Variants in PDCD4 observed in about 807,000 individuals in gnomAD.
The protein encoded by PDCD4 is programmed cell death 4.
A neutral mutation model predicts 54.0 loss-of-function variants in PDCD4; 56 were observed. That is an observed-to-expected ratio of 1.04 (90% CI 0.84 to 1.30). The LOEUF is 1.30. Among genes scored for constraint, PDCD4 ranks in the 50% most tolerant of loss-of-function variants. PDCD4 has a pLI of 0.00. For synonymous variants in PDCD4, 186 were observed against 194.8 expected (o/e 0.95, Z 0.37); for missense variants, 584 against 559.8 (o/e 1.04, Z -0.44).
rs1162455760 is a variant in PDCD4 at position 110,895,220 on chromosome 10, T to C, written c.1209+698T>C. On this transcript the variant is annotated intron_variant, in intron 10 of 11. Coordinates refer to ENST00000280154, the MANE Select transcript of PDCD4 (RefSeq NM_014456.5). The stretch of plus-strand genomic sequence containing the variant: ...ACCTGATAGGTAATTTTTCAACTCT[T>C]GTCCTCTTTCCTACCTCCCCACTTT... Among the ~76,000 whole-genome samples, 3 of 152,062 alleles carry C rather than the reference T, an allele frequency of 2.0e-5. No individual in the cohort carries two copies. In the South Asian group the frequency reaches 6.2e-4, roughly 31 times the overall value.
Position 110,892,170 on chromosome 10 carries a change from A to G in PDCD4, c.990+1500A>G, listed in dbSNP as rs370134365. On this transcript the variant is annotated intron_variant, in intron 8 of 11. Coordinates refer to ENST00000280154, the MANE Select transcript of PDCD4 (RefSeq NM_014456.5). Reference sequence around the variant, plus strand: ...AACAAGACAAATGCAAGTCTTGTACACTGAAAACTGCAAAACAGGTTGAAA... The same window carrying G: ...AACAAGACAAATGCAAGTCTTGTACGCTGAAAACTGCAAAACAGGTTGAAA... 2.9e-4 allele frequency among the ~76,000 whole-genome samples: 44 copies of G among 152,354 alleles called. No individual in the cohort carries two copies. The South Asian group carries it at 8.9e-3, about 31-fold the overall frequency.
At chr10:110,874,524 AT>A (rs796937478) in intron 1 of PDCD4, among the ~76,000 whole-genome samples, 226 of 151,510 alleles carry the variant, frequency 1.5e-3, no homozygotes, top group Non-Finnish European at 2.0e-3. Context: ...TATTTTTAAG[AT>A]TTTTTTTTCA....
At position 110,899,798 on chromosome 10, in the gene PDCD4, A is replaced by C. The variant is rs1015272907; in HGVS notation, c.*1710A>C. Reference sequence around the variant, plus strand: ...CAACAAGAGTGAAACTCTTGTCTCAAAAAAAAAAAAAAATGAGGTTTAAGA... The same window carrying C: ...CAACAAGAGTGAAACTCTTGTCTCACAAAAAAAAAAAAATGAGGTTTAAGA... On this transcript the variant is annotated 3_prime_UTR_variant, in exon 12 of 12. Coordinates refer to ENST00000280154, the MANE Select transcript of PDCD4 (RefSeq NM_014456.5). 2 of 43,862 alleles carry C rather than the reference A, an allele frequency of 4.6e-5. No individual in the cohort carries two copies. Among genetic ancestry groups the C allele is most frequent in the East Asian group, 3.8e-4 (1 of 2,606 alleles). The allele number at this position is 43,862 out of a possible 1,614,324, so 2.7% of individuals were successfully genotyped here. A position where few individuals can be genotyped will look rare whatever the true frequency, so the allele number is the denominator to read the frequency against.
intron 5 of PDCD4, among the ~76,000 whole-genome samples, chr10:110,887,295 G>C (rs1280951082): frequency 3.3e-5 from 5 of 152,128 alleles, no homozygotes; most frequent in Non-Finnish European, 7.4e-5. Context: ...CCTACATGTA[G>C]GCTCTGCCAT....
Position 110,881,423 on chromosome 10 carries a change from C to A in PDCD4, c.234C>A (p.Ser78Arg). 6.2e-7 allele frequency: 1 copy of A among 1,614,158 alleles called. No homozygotes were observed. The highest frequency in any genetic ancestry group is 8.5e-7 in the Non-Finnish European group (1 of 1,180,032). The stretch of plus-strand genomic sequence containing the variant: ...ACTCTGGCAGAGGCGATTCGGTCAG[C>A]GACAGTGGGAGTGACGCCCTTAGAA... ...SRDSGRGDSV[S>R]DSGSDALRSG... The change falls in exon 3 of 12, where the codon AGC becomes AGA. Residue 78 changes from serine to arginine, a missense_variant. By Grantham distance (110) the Ser-to-Arg change is moderately radical. Coordinates refer to ENST00000280154, the MANE Select transcript of PDCD4 (RefSeq NM_014456.5).
rs550083391 is a variant in PDCD4 at position 110,897,566 on chromosome 10, C to G, written c.1350-462C>G. On this transcript the variant is annotated intron_variant, in intron 11 of 11. Coordinates refer to ENST00000280154, the MANE Select transcript of PDCD4 (RefSeq NM_014456.5). ...TGTAATTCTGATTTTTTTCCACATTCAAGTTATGGCTTTTCTACAGTTGAT... is the reference window on the plus strand; with the variant it reads ...TGTAATTCTGATTTTTTTCCACATTGAAGTTATGGCTTTTCTACAGTTGAT... 9.2e-5 allele frequency among the ~76,000 whole-genome samples: 14 copies of G among 152,268 alleles called. No individual in the cohort carries two copies. The South Asian group carries it at 2.9e-3, about 32-fold the overall frequency.
chr10:110,875,596 C>G (rs963438670), intron 1 of PDCD4, among the ~76,000 whole-genome samples: 12 of 152,006 alleles, frequency 7.9e-5, no homozygotes, highest in African/African-American at 2.9e-4. Context: ...ATTTATATTC[C>G]TATGTATGTA....
At chr10:110,886,116 G>A (rs1223069349) in intron 5 of PDCD4, among the ~76,000 whole-genome samples, 1 of 152,134 alleles carries the variant, frequency 6.6e-6, no homozygotes, top group Non-Finnish European at 1.5e-5. Context: ...ATTTGTAATA[G>A]GTGATTCTTG....
chr10:110,884,809 A>T (rs975792407), intron 4 of PDCD4: 1 of 151,952 alleles, frequency 6.6e-6, no homozygotes, highest in African/African-American at 2.4e-5. Flanking sequence ...ATTATGATTT[A>T]TTATTATTAT....
intron 2 of PDCD4, chr10:110,880,383 A>G (rs1307568722): frequency 6.6e-6 from 1 of 152,246 alleles, no homozygotes; most frequent in East Asian, 1.9e-4. Flanking sequence ...AAGGATTTTG[A>G]TAACTGAAAA....
intron 6 of PDCD4, among the ~76,000 whole-genome samples, 158 bp downstream of exon 6, chr10:110,888,044 C>G (rs1002954686): frequency 6.6e-6 from 1 of 151,828 alleles, no homozygotes; most frequent in African/African-American, 2.4e-5. Flanking sequence ...GTATTTTTTC[C>G]TAGTTCTTTT....
At chr10:110,872,324 G>C (rs1013766935) in intron 1 of PDCD4, 1 of 152,364 alleles carries the variant, frequency 6.6e-6, no homozygotes, top group Non-Finnish European at 1.5e-5. Context: ...AGAGGGGCGC[G>C]CGAGGCGCTC....
intron 2 of PDCD4, 69 bp from the exon 3 acceptor site, chr10:110,881,164 A>ACC: frequency 8.7e-7 from 1 of 1,151,464 alleles, no homozygotes. Context: ...AATCTAACTT[A>ACC]CCACTATATC....
intron 6 of PDCD4, among the ~76,000 whole-genome samples, chr10:110,888,120 C>CTGCATAGTT (rs1365902594): frequency 1.3e-5 from 2 of 150,240 alleles, no homozygotes; most frequent in African/African-American, 4.9e-5. Flanking sequence ...CCCCTATGAT[C>CTGCATAGTT]TGCATAGTTT....
At chr10:110,888,069 G>T (rs539825089) in intron 6 of PDCD4, among the ~76,000 whole-genome samples, 183 bp downstream of exon 6, 4 of 150,916 alleles carry the variant, frequency 2.7e-5, no homozygotes, top group African/African-American at 9.7e-5. Flanking sequence ...TTTAAACATG[G>T]TCTTCATCAT....
chr10:110,889,092 T>C (rs1845715448), intron 6 of PDCD4, among the ~76,000 whole-genome samples: 1 of 151,788 alleles, frequency 6.6e-6, no homozygotes, highest in African/African-American at 2.4e-5. Context: ...TAGCCAGGTG[T>C]GCGCCTGTAG....
chr10:110,881,428 G>T lies in PDCD4; in HGVS notation c.239G>T (p.Ser80Ile), dbSNP rs369195524. ...GGCAGAGGCGATTCGGTCAGCGACA[G>T]TGGGAGTGACGCCCTTAGAAGTGGA... ...DSGRGDSVSD[S>I]GSDALRSGLT... The change falls in exon 3 of 12, where the codon AGT becomes ATT. Residue 80 changes from serine (S) to isoleucine (I), a missense_variant. Physicochemically the swap from Ser to Ile is moderately radical, Grantham distance 142. Transcript: ENST00000280154. The T allele has an allele frequency of 5.8e-5, 93 of 1,614,102 alleles. 1 individual carries two copies. Among genetic ancestry groups the T allele is most frequent in the Non-Finnish European group, 7.6e-5 (90 of 1,180,056 alleles).
At chr10:110,895,734 A>G (rs1488781709) in intron 10 of PDCD4, among the ~76,000 whole-genome samples, 1 of 152,310 alleles carries the variant, frequency 6.6e-6, no homozygotes, top group East Asian at 1.9e-4. Context: ...CAACCTTGCC[A>G]ATGTCTGTTA....
At chr10:110,892,677 A>G (rs745583570) in intron 8 of PDCD4, among the ~76,000 whole-genome samples, 7 of 152,120 alleles carry the variant, frequency 4.6e-5, no homozygotes, top group Non-Finnish European at 1.0e-4. Context: ...AAAAATTCCT[A>G]TCGTTGAGTG....
Sources: allele counts gnomAD v4.1 joint callset (sites outside exome capture counted in the v4.1 genomes callset), GRCh38; gene constraint gnomAD v4.1.1; transcripts MANE v1.5; gene names NCBI Gene and HGNC (gene_info 2026-07-23, HGNC 2026-07-21).